MMP26: variants seen among roughly 807,000 people sequenced by gnomAD.
The protein encoded by MMP26 is matrix metallopeptidase 26.
A neutral mutation model predicts 31.0 loss-of-function variants in MMP26; 33 were observed. The observed-to-expected ratio is 1.06, with a 90% CI of 0.81 to 1.42. The LOEUF (loss-of-function observed/expected upper bound fraction) is 1.42. Among genes scored for constraint, MMP26 ranks in the 40% most tolerant of loss-of-function variants. The probability of loss-of-function intolerance (pLI) is 0.00; values close to 1 mark genes in which losing one functional copy is unlikely to be tolerated. For missense variants in MMP26, 347 were observed against 316.1 expected (o/e 1.10, Z -0.74); for synonymous variants, 122 against 114.9 (o/e 1.06, Z -0.40).
chr11:4,815,653 G>C (rs1244806129), intron 2 of MMP26, among the ~76,000 whole-genome samples: 1 of 151,980 alleles, frequency 6.6e-6, no homozygotes, highest in Non-Finnish European at 1.5e-5. Context: ...AAAAATCCTG[G>C]AATATATGCT....
At chr11:4,724,988 G>A (rs1479882581) in intron 1 of MMP26, among the ~76,000 whole-genome samples, 3 of 152,178 alleles carry the variant, frequency 2.0e-5, no homozygotes, top group Non-Finnish European at 4.4e-5. Flanking sequence ...TGGATCACAG[G>A]GACAGTTTCT....
intron 2 of MMP26, among the ~76,000 whole-genome samples, chr11:4,789,530 C>CTTTTTTT (rs71050429): frequency 0.04 from 2,622 of 65,952 alleles, 290 homozygotes; most frequent in Middle Eastern, 0.12. Context: ...TATCCCCCCA[C>CTTTTTTT]TTTTTTTTTT....
intron 2 of MMP26, among the ~76,000 whole-genome samples, chr11:4,807,787 ATTTG>A (rs775759870): frequency 1.1e-4 from 16 of 152,074 alleles, no homozygotes; most frequent in African/African-American, 3.6e-4. Flanking sequence ...ATGATAAAAA[ATTTG>A]TTTATTTGCT....
At chr11:4,905,538 CTTTT>C (rs1415038613) in intron 2 of MMP26, among the ~76,000 whole-genome samples, 1 of 152,122 alleles carries the variant, frequency 6.6e-6, no homozygotes, top group Admixed American at 6.5e-5. Context: ...AGGTTGATGA[CTTTT>C]TTCTCTTGCA....
chr11:4,846,792 CA>C (rs934656019), intron 2 of MMP26, among the ~76,000 whole-genome samples: 19 of 152,226 alleles, frequency 1.2e-4, no homozygotes, highest in Admixed American at 2.6e-4. Context: ...GTATTGGCAT[CA>C]AAAAAATAGA....
At chr11:4,916,749 G>C (rs557289798) in intron 2 of MMP26, among the ~76,000 whole-genome samples, 1 of 152,314 alleles carries the variant, frequency 6.6e-6, no homozygotes, top group East Asian at 1.9e-4. Context: ...GCTAGAGTAA[G>C]ACATCAAAGC....
intron 2 of MMP26, chr11:4,955,731 C>T (rs746058513): frequency 1.3e-6 from 2 of 1,567,828 alleles, no homozygotes; most frequent in Admixed American, 3.5e-5. Context: ...TCATAGGGCT[C>T]TGCTATGAAA....
At chr11:4,800,854 ATCCCTTTTAAGTTCAAACTTTCATAGG>A (rs1849170961) in intron 2 of MMP26, among the ~76,000 whole-genome samples, 1 of 124,508 alleles carries the variant, frequency 8.0e-6, no homozygotes, top group Non-Finnish European at 1.6e-5. Context: ...ACACTAAGTC[ATCCCTTTTAAGTTCAAACTTTCATAGG>A]TCCCTAGGAC....
intron 2 of MMP26, chr11:4,821,695 C>T (rs7114668): frequency 1.4e-4 from 227 of 1,613,872 alleles, no homozygotes; most frequent in Non-Finnish European, 1.8e-4. Flanking sequence ...GTTTGAAGCC[C>T]GAGAAATCAA....
At chr11:4,735,378 A>ATG (rs1250756825) in intron 1 of MMP26, among the ~76,000 whole-genome samples, 1 of 151,866 alleles carries the variant, frequency 6.6e-6, no homozygotes, top group African/African-American at 2.4e-5. Flanking sequence ...ACATGCGTGC[A>ATG]TGTGTGTGTG....
chr11:4,812,649 C>A (rs540981272), intron 2 of MMP26, among the ~76,000 whole-genome samples: 1 of 152,162 alleles, frequency 6.6e-6, no homozygotes, highest in Admixed American at 6.5e-5. Context: ...TTATTTCACA[C>A]TCATTAAATC....
intron 2 of MMP26, among the ~76,000 whole-genome samples, chr11:4,868,647 G>A (rs1257331730): frequency 1.3e-5 from 2 of 152,112 alleles, no homozygotes; most frequent in Admixed American, 6.5e-5. Context: ...ACTGCCCAAC[G>A]TAATTTACAG....
chr11:4,822,276 C>G (rs748204897), intron 2 of MMP26: 2 of 1,559,110 alleles, frequency 1.3e-6, no homozygotes, highest in South Asian at 1.2e-5. Context: ...TTCTGCTAAT[C>G]CCTCCTGTGC....
intron 2 of MMP26, among the ~76,000 whole-genome samples, chr11:4,823,990 T>C (rs1237138477): frequency 6.6e-6 from 1 of 152,120 alleles, no homozygotes; most frequent in Non-Finnish European, 1.5e-5. Context: ...AGATAACCTA[T>C]ATATAAGAGT....
intron 2 of MMP26, among the ~76,000 whole-genome samples, chr11:4,866,680 A>G (rs1850239147): frequency 6.6e-6 from 1 of 152,190 alleles, no homozygotes; most frequent in South Asian, 2.1e-4. Flanking sequence ...CTGACTTCAA[A>G]CTATATTACA....
At chr11:4,834,379 A>G (rs1262402754) in intron 2 of MMP26, among the ~76,000 whole-genome samples, 1 of 152,158 alleles carries the variant, frequency 6.6e-6, no homozygotes, top group Non-Finnish European at 1.5e-5. Context: ...TTGTGAATGG[A>G]ACCAGACCAA....
intron 2 of MMP26, among the ~76,000 whole-genome samples, chr11:4,856,433 TA>T (rs1170222613): frequency 1.3e-5 from 2 of 152,114 alleles, no homozygotes; most frequent in African/African-American, 4.8e-5. Flanking sequence ...TAGTCTCTGA[TA>T]AAACAGACTT....
chr11:4,914,265 T>G (rs1851038126), intron 2 of MMP26: 1 of 159,698 alleles, frequency 6.3e-6, no homozygotes, highest in Middle Eastern at 3.3e-3. Context: ...GGGCTTCCTC[T>G]TAGAATAGGG....
At chr11:4,726,234 T>C (rs1589884498) in intron 1 of MMP26, among the ~76,000 whole-genome samples, 1 of 152,182 alleles carries the variant, frequency 6.6e-6, no homozygotes, top group Non-Finnish European at 1.5e-5. Context: ...CCCAGCACTT[T>C]GGGAGACCGA....
Sources: gnomAD v4.1 joint callset for allele counts (sites outside exome capture counted in the v4.1 genomes callset) on GRCh38, gnomAD v4.1.1 for gene constraint, MANE v1.5 for transcripts, NCBI Gene and HGNC (gene_info 2026-07-23, HGNC 2026-07-21) for gene names.